The following CRMP1 variants were observed in gnomAD, a reference collection of about 807,000 sequenced individuals.
CRMP1 encodes the protein collapsin response mediator protein 1.
Under a neutral mutation model 68.3 loss-of-function variants are expected in CRMP1, and 19 were observed. The ratio of observed to expected loss-of-function variants is 0.28; its 90% CI spans 0.19 to 0.41. The LOEUF (loss-of-function observed/expected upper bound fraction) is 0.41. Among genes scored for constraint, CRMP1 ranks in the 10% least tolerant of loss-of-function variants. The pLI, the probability that CRMP1 is intolerant of heterozygous loss-of-function variation, is 1.00. For missense variants in CRMP1, 791 were observed against 967.4 expected, an observed-to-expected ratio of 0.82 and a Z score of 2.42; for synonymous variants, 439 against 399.6, an observed-to-expected ratio of 1.10 and a Z score of -1.18.
intron 13 of CRMP1, chr4:5,824,556 T>C: frequency 1.0e-6 from 1 of 980,150 alleles, no homozygotes; most frequent in Non-Finnish European, 1.2e-6. Flanking sequence ...GACCAGGAAT[T>C]AGCAAACGGG....
Position 5,872,373 on chromosome 4 carries a change from C to T in CRMP1, c.382-5617G>A, listed in dbSNP as rs770794562. The stretch of plus-strand genomic sequence containing the variant: ...AAAACAGCAGATGTGAACAATGGTA[C>T]GCTCTGCACAAACATTATTATGTAT... On this transcript the variant is annotated intron_variant, in intron 1 of 13. Coordinates refer to ENST00000324989, the MANE Select transcript of CRMP1 (RefSeq NM_001014809.3). This position sits in a 1 kb window ranked among gnomAD's most constrained non-coding sequence, Gnocchi z 4.6. 3.9e-5 allele frequency among the ~76,000 whole-genome samples: 6 copies of T among 152,152 alleles called. No individual in the cohort carries two copies. The highest frequency in any genetic ancestry group is 1.9e-4 in the East Asian group (1 of 5,196).
At position 5,888,471 on chromosome 4, in the gene CRMP1, G is replaced by T. The variant is rs1338880068; in HGVS notation, c.381+4118C>A. ...CGCCGCCGCTCCGGCTGCCAGCACC[G>T]CCCGGATCGGCGAGGAGGGCGGGAG... On this transcript the variant is annotated intron_variant, in intron 1 of 13. Transcript: ENST00000324989. This position sits in a 1 kb window ranked among gnomAD's most constrained non-coding sequence, Gnocchi z 6.4. The T allele has an allele frequency of 3.3e-6, 4 of 1,210,142 alleles. No individual in the cohort carries two copies. Among genetic ancestry groups the T allele is most frequent in the Non-Finnish European group, 3.1e-6 (3 of 974,444 alleles). 75.0% of individuals were successfully genotyped at this position (1,210,142 alleles called of 1,614,324 possible).
Position 5,841,564 on chromosome 4 carries a change from G to A in CRMP1, c.1033-136C>T. The A allele has an allele frequency of 7.3e-7, 1 of 1,372,336 alleles. No homozygotes were observed. The highest frequency in any genetic ancestry group is 1.0e-6 in the Non-Finnish European group (1 of 997,302). The allele number at this position is 1,372,336 out of a possible 1,614,324, so 85.0% of individuals were successfully genotyped here. On this transcript the variant is annotated intron_variant, in intron 7 of 13. Coordinates refer to ENST00000324989, the MANE Select transcript of CRMP1 (RefSeq NM_001014809.3). This position sits in a 1 kb window ranked among gnomAD's most constrained non-coding sequence, Gnocchi z 6.9. ...TGAGAAGGACATACTGAGTCCAACA[G>A]CGCTTGACAGTGCCCCCTGCTCTCC...
intron 12 of CRMP1, 50 bp downstream of exon 12, chr4:5,828,439 T>C: frequency 6.3e-7 from 1 of 1,590,936 alleles, no homozygotes; most frequent in Non-Finnish European, 8.6e-7. Context: ...CAAGAGACGC[T>C]GTCGGCTCTG....
At chr4:5,836,563 A>G (rs557649594) in intron 10 of CRMP1, among the ~76,000 whole-genome samples, 97 of 152,382 alleles carry the variant, frequency 6.4e-4, no homozygotes, top group African/African-American at 2.2e-3. Flanking sequence ...GACAAGGGTG[A>G]CATCCACAAA....
rs1202116583 is a variant in CRMP1, at chr4:5,889,802, G to C, written c.381+2787C>G. The C allele has an allele frequency of 6.6e-7, 1 of 1,518,510 alleles. No individual in the cohort carries two copies. Among genetic ancestry groups the C allele is most frequent in the Non-Finnish European group, 8.8e-7 (1 of 1,136,192 alleles). 94.1% of individuals were successfully genotyped at this position (1,518,510 alleles called of 1,614,324 possible). A position where few individuals can be genotyped will look rare whatever the true frequency, so the allele number is the denominator to read the frequency against. On this transcript the variant is annotated intron_variant, in intron 1 of 13. Coordinates refer to ENST00000324989, the MANE Select transcript of CRMP1 (RefSeq NM_001014809.3). This position sits in a 1 kb window ranked among gnomAD's most constrained non-coding sequence, Gnocchi z 4.5. Reference sequence around the variant, plus strand: ...GGGCCCTGACCTTCACCACCCCAGGGGCCAGTCCCCTAATCCAGGGCAGGA... The same window carrying C: ...GGGCCCTGACCTTCACCACCCCAGGCGCCAGTCCCCTAATCCAGGGCAGGA...
chr4:5,821,721 C>T lies in CRMP1; in HGVS notation c.*39G>A, dbSNP rs1201767342. On this transcript the variant is annotated 3_prime_UTR_variant, in exon 14 of 14. Coordinates refer to ENST00000324989, the MANE Select transcript of CRMP1 (RefSeq NM_001014809.3). This position sits in a 1 kb window ranked among gnomAD's most constrained non-coding sequence, Gnocchi z 4.4. ...GACAGGAAAAGGGATGGACATGATTCCCAGAATCCTTCAGGCTAGCTCCTC... is the reference window on the plus strand; with the variant it reads ...GACAGGAAAAGGGATGGACATGATTTCCAGAATCCTTCAGGCTAGCTCCTC... 6.5e-7 allele frequency: 1 copy of T among 1,547,482 alleles called. No individual in the cohort carries two copies.
Position 5,879,392 on chromosome 4 carries a change from C to T in CRMP1, c.382-12636G>A, listed in dbSNP as rs1394511789. 6.6e-6 allele frequency among the ~76,000 whole-genome samples: 1 copy of T among 152,210 alleles called. No individual in the cohort carries two copies. The highest frequency in any genetic ancestry group is 1.9e-4 in the East Asian group (1 of 5,198). On this transcript the variant is annotated intron_variant, in intron 1 of 13. Transcript: ENST00000324989. This position sits in a 1 kb window ranked among gnomAD's most constrained non-coding sequence, Gnocchi z 4.2. ...CAACATGAGGCTTGCATCTCTGGTC[C>T]AGCATTTGTTCATGACACTCATTTT... is the stretch of plus-strand genomic sequence containing the variant.
intron 11 of CRMP1, among the ~76,000 whole-genome samples, chr4:5,832,206 G>A (rs572808109): frequency 6.6e-6 from 1 of 152,178 alleles, no homozygotes; most frequent in Non-Finnish European, 1.5e-5. Flanking sequence ...TGGGTACAGG[G>A]TTTCTTTTCT....
In CRMP1 at chr4:5,825,813, C is replaced by T; in HGVS notation, c.1804-154G>A. 1 of 703,376 alleles carries T rather than the reference C, an allele frequency of 1.4e-6. No individual in the cohort carries two copies. 43.6% of individuals were successfully genotyped at this position (703,376 alleles called of 1,614,324 possible). On this transcript the variant is annotated intron_variant, in intron 12 of 13. Coordinates refer to ENST00000324989, the MANE Select transcript of CRMP1 (RefSeq NM_001014809.3). This position sits in a 1 kb window ranked among gnomAD's most constrained non-coding sequence, Gnocchi z 4.4. ...ACAACACGCACACACGACAGGTGCACTTCACACACATGCAGCCGCACACAG... is the reference window on the plus strand; with the variant it reads ...ACAACACGCACACACGACAGGTGCATTTCACACACATGCAGCCGCACACAG...
chr4:5,832,608 G>T (rs1720455471), intron 11 of CRMP1, among the ~76,000 whole-genome samples: 1 of 152,140 alleles, frequency 6.6e-6, no homozygotes, highest in South Asian at 2.1e-4. Flanking sequence ...TATGTGGATG[G>T]CATTGCTTTG....
At position 5,860,267 on chromosome 4, in the gene CRMP1, G is replaced by A. The variant is rs116481430; in HGVS notation, c.655+759C>T. Reference sequence around the variant, plus strand: ...GGCAGTGAGAAGAAAGGCAAGTTTCGGCCAGAACCCCCTGCATTCTGCCAT... The same window carrying A: ...GGCAGTGAGAAGAAAGGCAAGTTTCAGCCAGAACCCCCTGCATTCTGCCAT... On this transcript the variant is annotated intron_variant, in intron 3 of 13. Coordinates refer to ENST00000324989, the MANE Select transcript of CRMP1 (RefSeq NM_001014809.3). This position sits in a 1 kb window ranked among gnomAD's most constrained non-coding sequence, Gnocchi z 4.2. Among the ~76,000 whole-genome samples the A allele has an allele frequency of 0.021, 3,203 of 152,182 alleles. 118 individuals carry two copies. Among genetic ancestry groups the A allele is most frequent in the African/African-American group, 0.073 (3,021 of 41,496 alleles).
rs999599956 is a variant in CRMP1 at position 5,892,925 on chromosome 4, G to A, written c.45C>T (p.Pro15=). Residue 15 remains proline (P), a synonymous_variant, in exon 1 of 14, where the codon CCC becomes CCT. Coordinates refer to ENST00000324989, the MANE Select transcript of CRMP1 (RefSeq NM_001014809.3). This position sits in a 1 kb window ranked among gnomAD's most constrained non-coding sequence, Gnocchi z 8.6. ...CGCTGCCCGGCCGCGCCAGGTACACGGGCAGGTCGTCCTCGGTGTTCCACG... is the reference window on the plus strand; with the variant it reads ...CGCTGCCCGGCCGCGCCAGGTACACAGGCAGGTCGTCCTCGGTGTTCCACG... ...RRAWNTEDDL[P]VYLARPGSAA... is the part of the protein sequence containing the mutation. 15 of 1,309,952 alleles carry A rather than the reference G, an allele frequency of 1.1e-5. No individual in the cohort carries two copies. In the African/African-American group the frequency reaches 1.2e-4, roughly 11 times the overall value. The allele number at this position is 1,309,952 out of a possible 1,614,324, so 81.1% of individuals were successfully genotyped here.
chr4:5,849,520 A>G, intron 5 of CRMP1, 48 bp from the exon 6 acceptor site: 1 of 1,383,670 alleles, frequency 7.2e-7, no homozygotes, highest in Non-Finnish European at 1.0e-6. Context: ...AAAAAAAAAA[A>G]AATCACAGCG....
At position 5,865,435 on chromosome 4, in the gene CRMP1, C is replaced by T. The variant is rs1444230144; in HGVS notation, c.470+1233G>A. Among the ~76,000 whole-genome samples the T allele has an allele frequency of 6.6e-6, 1 of 152,004 alleles. No individual in the cohort carries two copies. Among genetic ancestry groups the T allele is most frequent in the Non-Finnish European group, 1.5e-5 (1 of 68,024 alleles). ...AGGAGATCGAGACCATCCTGGCCAA[C>T]ATGGTGAAACCCCCGTCTCTACTAA... On this transcript the variant is annotated intron_variant, in intron 2 of 13. Coordinates refer to ENST00000324989, the MANE Select transcript of CRMP1 (RefSeq NM_001014809.3). The surrounding 1 kb of genome is among the most constrained non-coding windows in gnomAD (Gnocchi z 4.1).
Position 5,825,221 on chromosome 4 carries a change from A to T in CRMP1, c.1969+273T>A. On this transcript the variant is annotated intron_variant, in intron 13 of 13. Coordinates refer to ENST00000324989, the MANE Select transcript of CRMP1 (RefSeq NM_001014809.3). This position sits in a 1 kb window ranked among gnomAD's most constrained non-coding sequence, Gnocchi z 4.4. ...TGTGAAAGTGTCCCCAAATGTGTGT[A>T]AGGATGAGCACTGGGACAATTTTGG... 1 of 985,312 alleles carries T rather than the reference A, an allele frequency of 1.0e-6. No individual in the cohort carries two copies. Among genetic ancestry groups the T allele is most frequent in the African/African-American group, 1.7e-5 (1 of 57,310 alleles). The allele number at this position is 985,312 out of a possible 1,614,324, so 61.0% of individuals were successfully genotyped here. A position where few individuals can be genotyped will look rare whatever the true frequency, so the allele number is the denominator to read the frequency against.
rs1715757347 is a variant in CRMP1 at position 5,888,397 on chromosome 4, C to A, written c.381+4192G>T. 2.5e-6 allele frequency: 3 copies of A among 1,220,694 alleles called. No homozygotes were observed. The highest frequency in any genetic ancestry group is 3.1e-5 in the African/African-American group (2 of 63,834). 75.6% of individuals were successfully genotyped at this position (1,220,694 alleles called of 1,614,324 possible). A position where few individuals can be genotyped will look rare whatever the true frequency, so the allele number is the denominator to read the frequency against. On this transcript the variant is annotated intron_variant, in intron 1 of 13. Transcript: ENST00000324989. This position sits in a 1 kb window ranked among gnomAD's most constrained non-coding sequence, Gnocchi z 6.4. ...AGGGATAGAGACACGGACGGAGGCT[C>A]GGCGCCCGTGGATGCCCACGCGCGG... is the stretch of plus-strand genomic sequence containing the variant.
Position 5,877,681 on chromosome 4 carries a change from TC to T in CRMP1, c.382-10926del, listed in dbSNP as rs1183512929. ...TCACGGGTAGGGGACAGGGCGGCTT[TC>T]CCCCTTTCATGAATGGGAGATACAG... is the stretch of plus-strand genomic sequence containing the variant. On this transcript the variant is annotated intron_variant, in intron 1 of 13. Transcript: ENST00000324989. The surrounding 1 kb of genome is among the most constrained non-coding windows in gnomAD (Gnocchi z 4.3). Among the ~76,000 whole-genome samples the T allele has an allele frequency of 1.3e-5, 2 of 152,258 alleles. No individual in the cohort carries two copies. The highest frequency in any genetic ancestry group is 6.5e-5 in the Admixed American group (1 of 15,298).
At chr4:5,876,147 C>G (rs940683236) in intron 1 of CRMP1, among the ~76,000 whole-genome samples, 4 of 142,954 alleles carry the variant, frequency 2.8e-5, no homozygotes, top group African/African-American at 1.1e-4. Context: ...AGTGAGACTC[C>G]ATCTCAAAAA....
Sources: allele counts gnomAD v4.1 joint callset (sites outside exome capture counted in the v4.1 genomes callset), GRCh38; gene constraint gnomAD v4.1.1; non-coding constraint Gnocchi (gnomAD v3.1); transcripts MANE v1.5; gene names NCBI Gene and HGNC (gene_info 2026-07-23, HGNC 2026-07-21).